The following GPHN variants were observed in gnomAD, a reference collection of about 807,000 sequenced individuals.
GPHN encodes gephyrin.
A neutral mutation model predicts 95.5 loss-of-function variants in GPHN; 17 were observed. That is an observed-to-expected ratio of 0.18 (90% CI 0.12 to 0.27). The LOEUF is 0.27. GPHN is among the 10% of genes least tolerant of loss of function. The probability of loss-of-function intolerance (pLI) is 1.00; values close to 1 mark genes in which losing one functional copy is unlikely to be tolerated. For synonymous variants in GPHN, 320 were observed against 322.5 expected (o/e 0.99, Z 0.08); for missense variants, 660 against 978.1 (o/e 0.67, Z 4.34).
At chr14:66,950,669 C>T (rs1052714664) in intron 8 of GPHN, among the ~76,000 whole-genome samples, 3 of 152,020 alleles carry the variant, frequency 2.0e-5, no homozygotes, top group Non-Finnish European at 4.4e-5. Flanking sequence ...GAAACAGTCC[C>T]CCACCATGTT....
At chr14:67,650,950 C>A in the GPHN span, 2 of 1,597,806 alleles carry the variant, frequency 1.3e-6, no homozygotes, top group African/African-American at 2.7e-5. Context: ...TGTTTCACAA[C>A]AGGCATTCCA....
At chr14:67,208,302 C>T in the GPHN span, 1 of 1,613,956 alleles carries the variant, frequency 6.2e-7, no homozygotes, top group Non-Finnish European at 8.5e-7. Context: ...TCAAACATAA[C>T]ACTGACTTTT....
rs1282965659 is a variant in GPHN at position 66,930,616 on chromosome 14, C to G, written c.828+6324C>G. 2.0e-5 allele frequency among the ~76,000 whole-genome samples: 3 copies of G among 149,384 alleles called. No homozygotes were observed. The Admixed American group carries it at 2.0e-4, about 10-fold the overall frequency. On this transcript the variant is annotated intron_variant, in intron 8 of 22. Transcript: ENST00000478722. ...TCACGGCTCAGTGTAGCCTTGGCCT[C>G]TTGGGCTAAATCAGTCCTCACATCT...
At chr14:67,226,353 A>C in the GPHN span, among the ~76,000 whole-genome samples, 1 of 143,118 alleles carries the variant, frequency 7.0e-6, no homozygotes, top group Non-Finnish European at 1.5e-5. Context: ...CACCACAACC[A>C]GCTAGTTTTT....
chr14:67,336,796 G>C, the GPHN span: 25 of 455,450 alleles, frequency 5.5e-5, no homozygotes, highest in East Asian at 5.6e-4. Context: ...TGTGAACTGA[G>C]TTGTTGGTTT....
the GPHN span, chr14:67,594,010 G>T: frequency 9.0e-7 from 1 of 1,109,062 alleles, no homozygotes; most frequent in Admixed American, 1.9e-5. Context: ...GTCAACTCCA[G>T]GCAATGAGGG....
At chr14:67,247,948 A>G in the GPHN span, among the ~76,000 whole-genome samples, 1 of 152,110 alleles carries the variant, frequency 6.6e-6, no homozygotes, top group African/African-American at 2.4e-5. Flanking sequence ...GCTGTAGGTC[A>G]TTTTGTGCAT....
intron 1 of GPHN, among the ~76,000 whole-genome samples, chr14:66,563,120 C>T (rs1275219115): frequency 6.6e-6 from 1 of 152,012 alleles, no homozygotes; most frequent in Non-Finnish European, 1.5e-5. Context: ...AATATATAAT[C>T]TATGAAGAAC....
chr14:66,982,115 G>C (rs745713577), intron 9 of GPHN, among the ~76,000 whole-genome samples: 1 of 152,040 alleles, frequency 6.6e-6, no homozygotes, highest in Non-Finnish European at 1.5e-5. Flanking sequence ...TTAATATCAA[G>C]TTGATTTTTA....
chr14:66,886,122 A>T (rs2064175435), intron 5 of GPHN, among the ~76,000 whole-genome samples: 1 of 152,202 alleles, frequency 6.6e-6, no homozygotes, highest in South Asian at 2.1e-4. Flanking sequence ...AAAAGTAAAT[A>T]TCAATAAATA....
At chr14:67,541,770 T>TC in the GPHN span, 3 of 1,155,884 alleles carry the variant, frequency 2.6e-6, no homozygotes, top group Non-Finnish European at 3.6e-6. Flanking sequence ...TCCCGTTCTT[T>TC]CCCCACAGAA....
the GPHN span, chr14:67,725,016 T>G: frequency 6.8e-7 from 1 of 1,460,398 alleles, no homozygotes; most frequent in South Asian, 1.1e-5. Flanking sequence ...GAATGCTCTG[T>G]CCCCCAGTCC....
At chr14:67,553,879 T>C in the GPHN span, among the ~76,000 whole-genome samples, 1 of 152,108 alleles carries the variant, frequency 6.6e-6, no homozygotes, top group Non-Finnish European at 1.5e-5. Context: ...TCAGCTTCCA[T>C]CTAGAGGTTT....
At chr14:67,655,341 A>T in the GPHN span, among the ~76,000 whole-genome samples, 1 of 152,130 alleles carries the variant, frequency 6.6e-6, no homozygotes, top group Non-Finnish European at 1.5e-5. Flanking sequence ...AAACTAAAAA[A>T]TTCCTATGTA....
At position 66,860,168 on chromosome 14, in the gene GPHN, A is replaced by T. The variant is rs150602948; in HGVS notation, c.295-19771A>T. The stretch of plus-strand genomic sequence containing the variant: ...TTTAACTCAAAGACTACCTCAAGGC[A>T]TGTGAATAATTAAACTCCCAAAATT... On this transcript the variant is annotated intron_variant, in intron 4 of 22. Transcript: ENST00000478722. 2.4e-3 allele frequency among the ~76,000 whole-genome samples: 365 copies of T among 152,286 alleles called. 1 individual carries two copies. Among genetic ancestry groups the T allele is most frequent in the African/African-American group, 8.4e-3 (351 of 41,580 alleles).
intron 2 of GPHN, among the ~76,000 whole-genome samples, chr14:66,742,331 G>C (rs1295145030): frequency 1.3e-5 from 2 of 152,086 alleles, no homozygotes; most frequent in African/African-American, 4.8e-5. Context: ...AAACTAAAGA[G>C]AATTAGATTT....
At chr14:67,483,081 G>A in the GPHN span, among the ~76,000 whole-genome samples, 1 of 152,068 alleles carries the variant, frequency 6.6e-6, no homozygotes, top group African/African-American at 2.4e-5. Flanking sequence ...TGTGAACTTG[G>A]CTCACTGCAA....
At chr14:66,960,485 G>C (rs1337525548) in intron 8 of GPHN, among the ~76,000 whole-genome samples, 1 of 151,786 alleles carries the variant, frequency 6.6e-6, no homozygotes, top group Non-Finnish European at 1.5e-5. Context: ...CTTTTTTCAA[G>C]CTTGTATTTC....
the GPHN span, among the ~76,000 whole-genome samples, chr14:67,289,595 CG>C: frequency 1.3e-5 from 2 of 151,636 alleles, no homozygotes; most frequent in East Asian, 3.9e-4. Flanking sequence ...TGATTTGGGG[CG>C]GGAAAGATAG....
Sources: gnomAD v4.1 joint callset for allele counts (sites outside exome capture counted in the v4.1 genomes callset) on GRCh38, gnomAD v4.1.1 for gene constraint, MANE v1.5 for transcripts, NCBI Gene and HGNC (gene_info 2026-07-23, HGNC 2026-07-21) for gene names.